LIN9: variants seen among roughly 807,000 people sequenced by gnomAD.
LIN9 encodes lin-9 DREAM MuvB core complex component.
A neutral mutation model predicts 78.0 loss-of-function variants in LIN9; 18 were observed. That is an observed-to-expected ratio of 0.23 (90% CI 0.16 to 0.34). LIN9 has a LOEUF of 0.34. LIN9 is among the 10% of genes least tolerant of loss of function. The pLI, the probability that LIN9 is intolerant of heterozygous loss-of-function variation, is 1.00. For missense variants in LIN9, 451 were observed against 644.1 expected (o/e 0.70, Z 3.25); for synonymous variants, 192 against 215.2 (o/e 0.89, Z 0.94).
At chr1:226,245,841 A>C (rs1189631613) in intron 11 of LIN9, among the ~76,000 whole-genome samples, 1 of 152,194 alleles carries the variant, frequency 6.6e-6, no homozygotes, top group Non-Finnish European at 1.5e-5. Flanking sequence ...CAAGCAATCC[A>C]ATGGCATGAG....
chr1:226,292,635 T>A (rs919633388), intron 4 of LIN9, among the ~76,000 whole-genome samples: 2 of 150,782 alleles, frequency 1.3e-5, no homozygotes, highest in Non-Finnish European at 2.9e-5. Flanking sequence ...TAAAAAAAAT[T>A]TTTTTTGTAG....
At position 226,239,364 on chromosome 1, in the gene LIN9, GA is replaced by G. The variant is rs772177546; in HGVS notation, c.1120-269del. On this transcript the variant is annotated intron_variant, in intron 11 of 14. Coordinates refer to ENST00000681046, the MANE Select transcript of LIN9 (RefSeq NM_001366245.2). ...AATTAAATGGAGCAAAATGTTAATT[GA>G]TAAATGTGTAAGCAATGTTCGTTAT... 8.5e-5 allele frequency among the ~76,000 whole-genome samples: 13 copies of G among 152,264 alleles called. No individual in the cohort carries two copies. In the South Asian group the frequency reaches 1.9e-3, roughly 22 times the overall value.
Position 226,233,136 on chromosome 1 carries a change from A to C in LIN9, c.1483T>G (p.Leu495Val), listed in dbSNP as rs752847617. 3.4e-5 allele frequency: 54 copies of C among 1,608,380 alleles called. No individual in the cohort carries two copies. Among genetic ancestry groups the C allele is most frequent in the Non-Finnish European group, 4.4e-5 (52 of 1,177,980 alleles). ...TCTATTGTACTCTTGATATCATTTA[A>C]TGAGTCTGTAAGTGATTTGAATTCA... ...SFEFKSLTDS[L>V]NDIKSTIDAS... Residue 495 changes from leucine (L) to valine (V), a missense_variant, in exon 14 of 15, where the codon TTA (leucine) becomes GTA (valine). Leu to Val is a conservative substitution (Grantham distance 32, BLOSUM62 1). Coordinates refer to ENST00000681046, the MANE Select transcript of LIN9 (RefSeq NM_001366245.2).
At chr1:226,280,988 T>C (rs1015273201) in intron 6 of LIN9, among the ~76,000 whole-genome samples, 16 of 152,188 alleles carry the variant, frequency 1.1e-4, no homozygotes, top group African/African-American at 3.9e-4. Context: ...GTAGCACTAT[T>C]TACAATAGCC....
chr1:226,295,396 C>T (rs1301158760), intron 4 of LIN9, among the ~76,000 whole-genome samples: 1 of 151,990 alleles, frequency 6.6e-6, no homozygotes, highest in African/African-American at 2.4e-5. Context: ...TAGCAGTAAG[C>T]CGAGATCACG....
intron 7 of LIN9, among the ~76,000 whole-genome samples, chr1:226,268,789 G>A (rs2102918274): frequency 6.6e-6 from 1 of 152,288 alleles, no homozygotes; most frequent in African/African-American, 2.4e-5. Flanking sequence ...TTGTTTCTGG[G>A]AGAATTAAAA....
At chr1:226,234,883 G>A (rs549803441) in intron 12 of LIN9, among the ~76,000 whole-genome samples, 1 of 141,748 alleles carries the variant, frequency 7.1e-6, no homozygotes, top group South Asian at 2.3e-4. Context: ...CCTGGCTCGC[G>A]TTATCCTAAA....
intron 2 of LIN9, 51 bp from the exon 3 acceptor site, chr1:226,297,864 T>G: frequency 1.0e-6 from 1 of 988,404 alleles, no homozygotes; most frequent in Non-Finnish European, 1.5e-6. Flanking sequence ...TCAAAGGATT[T>G]CATACCATGA....
chr1:226,256,845 C>T (rs535118200), intron 10 of LIN9, among the ~76,000 whole-genome samples: 85 of 152,134 alleles, frequency 5.6e-4, no homozygotes, highest in African/African-American at 2.0e-3. Context: ...GCATGAGCCA[C>T]CGCACCCGGC....
chr1:226,253,948 G>A (rs1659020371), intron 10 of LIN9, among the ~76,000 whole-genome samples: 1 of 151,998 alleles, frequency 6.6e-6, no homozygotes, highest in African/African-American at 2.4e-5. Flanking sequence ...GAAATAATAA[G>A]GCCGGGTGTG....
intron 4 of LIN9, among the ~76,000 whole-genome samples, chr1:226,290,761 T>C (rs187839849): frequency 6.6e-6 from 1 of 152,064 alleles, no homozygotes; most frequent in African/African-American, 2.4e-5. Context: ...TTCCTTTTTT[T>C]AAAAAAATTT....
chr1:226,266,904 C>CA (rs35438263), intron 8 of LIN9, among the ~76,000 whole-genome samples: 4 of 151,760 alleles, frequency 2.6e-5, no homozygotes, highest in Non-Finnish European at 4.4e-5. Context: ...CTCAGCCTCC[C>CA]AAGTAGCTGG....
chr1:226,238,296 C>CA (rs142080913), intron 12 of LIN9, among the ~76,000 whole-genome samples: 2 of 151,908 alleles, frequency 1.3e-5, no homozygotes, highest in Non-Finnish European at 2.9e-5. Flanking sequence ...AAAACAAAAA[C>CA]AAAAAAACAA....
Position 226,232,258 on chromosome 1 carries a change from G to C in LIN9, c.*243C>G, listed in dbSNP as rs1215102981. The C allele has an allele frequency of 2.5e-6, 1 of 402,780 alleles. No individual in the cohort carries two copies. Among genetic ancestry groups the C allele is most frequent in the African/African-American group, 2.1e-5 (1 of 48,762 alleles). The allele number at this position is 402,780 out of a possible 1,614,324, so 25.0% of individuals were successfully genotyped here. On this transcript the variant is annotated 3_prime_UTR_variant, in exon 15 of 15. Transcript: ENST00000681046. ...CAGATATTTCAGTTTAAAAATATTT[G>C]TGAATATAAACATATGTAACATAAG...
intron 10 of LIN9, among the ~76,000 whole-genome samples, chr1:226,261,049 T>C (rs1659553420): frequency 6.6e-6 from 1 of 151,824 alleles, no homozygotes; most frequent in Admixed American, 6.6e-5. Context: ...ATGATCAGAT[T>C]GATAGAGGCA....
At position 226,282,497 on chromosome 1, in the gene LIN9, C is replaced by T. The variant is rs563815918; in HGVS notation, c.524+3836G>A. Among the ~76,000 whole-genome samples, 12 of 152,254 alleles carry T rather than the reference C, an allele frequency of 7.9e-5. No individual in the cohort carries two copies. In the South Asian group the frequency reaches 1.2e-3, roughly 16 times the overall value. ...CATTACTAACCCAACACATTAAAAC[C>T]TTTATGAACTCTGCCCATCTGATAG... On this transcript the variant is annotated intron_variant, in intron 6 of 14. Coordinates refer to ENST00000681046, the MANE Select transcript of LIN9 (RefSeq NM_001366245.2).
intron 1 of LIN9, among the ~76,000 whole-genome samples, chr1:226,306,445 G>C (rs1662921869): frequency 3.3e-5 from 5 of 152,176 alleles, no homozygotes; most frequent in Admixed American, 2.0e-4. Flanking sequence ...TCCTGGGGTA[G>C]GACTGAGGTG....
intron 1 of LIN9, among the ~76,000 whole-genome samples, chr1:226,307,193 G>A (rs1302511995): frequency 3.9e-5 from 6 of 152,168 alleles, no homozygotes; most frequent in African/African-American, 7.2e-5. Flanking sequence ...AATGACTACA[G>A]TAACCAAAAC....
intron 3 of LIN9, 63 bp from the exon 4 acceptor site, chr1:226,296,009 C>T (rs1320736771): frequency 9.2e-7 from 1 of 1,088,132 alleles, no homozygotes; most frequent in Non-Finnish European, 1.4e-6. Context: ...TTCCAAAATA[C>T]AATTCTATAC....
Sources: allele counts gnomAD v4.1 joint callset (sites outside exome capture counted in the v4.1 genomes callset), GRCh38; gene constraint gnomAD v4.1.1; transcripts MANE v1.5; gene names NCBI Gene and HGNC (gene_info 2026-07-23, HGNC 2026-07-21).